SLCO3A1: variants seen among roughly 807,000 people sequenced by gnomAD.
SLCO3A1 encodes PGE1 transporter.
In SLCO3A1, 27 loss-of-function variants were observed where a neutral mutation model predicts 63.1. That is an observed-to-expected ratio of 0.43 (90% CI 0.32 to 0.59). The LOEUF is 0.59. SLCO3A1 is among the 20% of genes least tolerant of loss of function. The pLI is 0.09. For missense variants in SLCO3A1, 773 were observed against 945.8 expected (o/e 0.82, Z 2.40); for synonymous variants, 473 against 409.9 (o/e 1.15, Z -1.86).
rs1361432013 is a variant in SLCO3A1, at chr15:91,860,979, C to T, written c.180+6891C>T. On this transcript the variant is annotated intron_variant, in intron 1 of 9. Coordinates refer to ENST00000318445, the MANE Select transcript of SLCO3A1 (RefSeq NM_013272.4). The surrounding 1 kb of genome is among the most constrained non-coding windows in gnomAD (Gnocchi z 5.5). Reference sequence around the variant, plus strand: ...GACATACCTTCTGCACAACACCACTCCCGTTCCATCTGTAGTCTTAGAAGC... The same window carrying T: ...GACATACCTTCTGCACAACACCACTTCCGTTCCATCTGTAGTCTTAGAAGC... Among the ~76,000 whole-genome samples, 1 of 152,234 alleles carries T rather than the reference C, an allele frequency of 6.6e-6. No homozygotes were observed. The highest frequency in any genetic ancestry group is 1.5e-5 in the Non-Finnish European group (1 of 68,032).
chr15:92,113,121 A>G (rs1372148619), intron 4 of SLCO3A1, among the ~76,000 whole-genome samples: 3 of 152,164 alleles, frequency 2.0e-5, no homozygotes. Context: ...TTGGGTCTGA[A>G]TAAGACGTTG....
chr15:92,102,864 G>T (rs1012067799), intron 3 of SLCO3A1, among the ~76,000 whole-genome samples: 2 of 152,224 alleles, frequency 1.3e-5, no homozygotes, highest in Non-Finnish European at 2.9e-5. Flanking sequence ...GTGGACCTTG[G>T]CATGTGTATA....
intron 1 of SLCO3A1, among the ~76,000 whole-genome samples, chr15:91,877,616 G>A (rs1897432525): frequency 6.6e-6 from 1 of 152,146 alleles, no homozygotes; most frequent in South Asian, 2.1e-4. Flanking sequence ...GCAGTGAAGA[G>A]GAAGGGAGGA....
intron 7 of SLCO3A1, among the ~76,000 whole-genome samples, chr15:92,136,968 CTTT>C (rs60449563): frequency 2.1e-5 from 3 of 141,062 alleles, no homozygotes; most frequent in Admixed American, 2.1e-4. Flanking sequence ...AGTAGTCTGT[CTTT>C]TTTTTTTTTT....
chr15:91,963,418 G>GGGGC (rs1374411021), intron 2 of SLCO3A1, among the ~76,000 whole-genome samples: 5,704 of 130,654 alleles, frequency 0.044, 235 homozygotes, highest in Non-Finnish European at 0.067. Flanking sequence ...TGGGGGGGGG[G>GGGGC]GGCGGCAGCA....
At chr15:92,034,173 G>A (rs1336265122) in intron 2 of SLCO3A1, among the ~76,000 whole-genome samples, 1 of 151,662 alleles carries the variant, frequency 6.6e-6, no homozygotes, top group Non-Finnish European at 1.5e-5. Flanking sequence ...GGATCCAGGA[G>A]AGGGATCCTG....
rs1314500962 is a variant in SLCO3A1 at position 92,128,254 on chromosome 15, G to A, written c.1374-97G>A. 12 of 1,418,822 alleles carry A rather than the reference G, an allele frequency of 8.5e-6. No individual in the cohort carries two copies. In the Admixed American group the frequency reaches 1.3e-4, roughly 15 times the overall value. The allele number at this position is 1,418,822 out of a possible 1,614,324, so 87.9% of individuals were successfully genotyped here. ...AACAATCCCATAAGCAGGGTACCAC[G>A]CGACTCATCACAACAGAGGCAAAAG... is the stretch of plus-strand genomic sequence containing the variant. On this transcript the variant is annotated intron_variant, in intron 6 of 9. Transcript: ENST00000318445.
chr15:92,073,876 C>T (rs2047244870), intron 2 of SLCO3A1, among the ~76,000 whole-genome samples: 1 of 152,214 alleles, frequency 6.6e-6, no homozygotes, highest in South Asian at 2.1e-4. Flanking sequence ...TTTAAGAGAA[C>T]CTATGCTCGA....
chr15:92,113,210 C>T (rs1031433562), intron 4 of SLCO3A1, among the ~76,000 whole-genome samples: 3 of 152,118 alleles, frequency 2.0e-5, no homozygotes, highest in African/African-American at 7.2e-5. Flanking sequence ...TCCAGAGGGA[C>T]GGAAATGACT....
chr15:91,977,340 C>T (rs780299892), intron 2 of SLCO3A1, among the ~76,000 whole-genome samples: 2 of 152,050 alleles, frequency 1.3e-5, no homozygotes, highest in Non-Finnish European at 2.9e-5. Context: ...TTGAGAGAAG[C>T]GAAGGAGCTG....
chr15:91,992,116 T>TA lies in SLCO3A1; in HGVS notation c.646+75658_646+75659insA, dbSNP rs1367423661. ...CACAGTTTAAGTTCTAATCCATACTTCAAGGTTAGCTTCCATTTTGGATTT... is the reference window on the plus strand; with the variant it reads ...CACAGTTTAAGTTCTAATCCATACTTACAAGGTTAGCTTCCATTTTGGATTT... On this transcript the variant is annotated intron_variant, in intron 2 of 9. Transcript: ENST00000318445. Among the ~76,000 whole-genome samples the TA allele has an allele frequency of 8.1e-5, 12 of 148,064 alleles. 1 individual carries two copies. The East Asian group carries it at 2.5e-3, about 31-fold the overall frequency.
intron 5 of SLCO3A1, among the ~76,000 whole-genome samples, chr15:92,123,878 C>T (rs1050024344): frequency 6.6e-6 from 1 of 152,236 alleles, no homozygotes; most frequent in African/African-American, 2.4e-5. Context: ...AAAAACAATT[C>T]TGCCTTATTG....
chr15:92,095,733 A>G (rs1459075067), intron 3 of SLCO3A1, among the ~76,000 whole-genome samples: 1 of 151,480 alleles, frequency 6.6e-6, no homozygotes, highest in Non-Finnish European at 1.5e-5. Flanking sequence ...TGTCAGGGTC[A>G]GGGAGACTTG....
At position 91,916,122 on chromosome 15, in the gene SLCO3A1, C is replaced by T; in HGVS notation, c.310C>T (p.His104Tyr). ...LFVSYFGARG[H>Y]RPRLIGCGGI... ...CGTGAGCTACTTCGGGGCACGCGGG[C>T]ACCGGCCGCGCCTGATCGGCTGCGG... The change falls in exon 2 of 10, where the codon CAC becomes TAC. Residue 104 changes from histidine to tyrosine, a missense_variant. By Grantham distance (83) the His-to-Tyr change is moderately conservative (BLOSUM62 2). This residue lies in a region of SLCO3A1 where 565 missense variants were observed against 749.8 expected (regional missense o/e 0.75). Coordinates refer to ENST00000318445, the MANE Select transcript of SLCO3A1 (RefSeq NM_013272.4). The surrounding 1 kb of genome is among the most constrained non-coding windows in gnomAD (Gnocchi z 6.2). 1 of 1,610,646 alleles carries T rather than the reference C, an allele frequency of 6.2e-7. No individual in the cohort carries two copies.
chr15:91,946,006 A>C (rs190172164), intron 2 of SLCO3A1, among the ~76,000 whole-genome samples: 4 of 152,356 alleles, frequency 2.6e-5, no homozygotes, highest in Admixed American at 6.5e-5. Context: ...ATTAAGCACT[A>C]TCTGTCATTT....
rs114982705 is a variant in SLCO3A1, at chr15:92,027,223, A to G, written c.647-67658A>G. Reference sequence around the variant, plus strand: ...GCATTACATTTTTGATAGGGTCGGTATTGTGACAATAAATGCTAAATACGT... The same window carrying G: ...GCATTACATTTTTGATAGGGTCGGTGTTGTGACAATAAATGCTAAATACGT... On this transcript the variant is annotated intron_variant, in intron 2 of 9. Coordinates refer to ENST00000318445, the MANE Select transcript of SLCO3A1 (RefSeq NM_013272.4). 2.7e-3 allele frequency among the ~76,000 whole-genome samples: 414 copies of G among 152,346 alleles called. 2 individuals are homozygous for G. The highest frequency in any genetic ancestry group is 9.8e-3 in the African/African-American group (408 of 41,580).
intron 2 of SLCO3A1, among the ~76,000 whole-genome samples, chr15:92,011,704 G>C (rs1325842678): frequency 6.6e-6 from 1 of 152,234 alleles, no homozygotes; most frequent in African/African-American, 2.4e-5. Flanking sequence ...AGGAATGTTA[G>C]CTGTGCTAGG....
At chr15:92,115,939 A>G (rs1439905113) in intron 4 of SLCO3A1, among the ~76,000 whole-genome samples, 2 of 151,822 alleles carry the variant, frequency 1.3e-5, no homozygotes, top group African/African-American at 2.4e-5. Flanking sequence ...ATTTCTTAGA[A>G]TTAAGCTGCA....
chr15:92,032,485 G>A (rs886687948), intron 2 of SLCO3A1, among the ~76,000 whole-genome samples: 1 of 152,180 alleles, frequency 6.6e-6, no homozygotes, highest in Non-Finnish European at 1.5e-5. Flanking sequence ...CATAGAGTCA[G>A]TGCAGGGGTG....
Sources: gnomAD v4.1 joint callset for allele counts (sites outside exome capture counted in the v4.1 genomes callset) on GRCh38, gnomAD v4.1.1 for gene constraint, gnomAD v4.1.1 regional missense constraint, Gnocchi (gnomAD v3.1) non-coding constraint, MANE v1.5 for transcripts, NCBI Gene and HGNC (gene_info 2026-07-23, HGNC 2026-07-21) for gene names.